The following FAF1 variants were observed in gnomAD, a reference collection of about 807,000 sequenced individuals.
The protein encoded by FAF1 is FAS-associated factor 1.
FAF1 carries 25 observed loss-of-function variants against 92.5 expected under a neutral mutation model. That is an observed-to-expected ratio of 0.27 (90% CI 0.20 to 0.38). The LOEUF (loss-of-function observed/expected upper bound fraction) is 0.38, where lower values mean the gene tolerates loss of function less well. Ranked by LOEUF, FAF1 falls within the 10% of genes least tolerant of loss-of-function variation. The pLI, the probability that FAF1 is intolerant of heterozygous loss-of-function variation, is 1.00. For synonymous variants in FAF1, 234 were observed against 273.2 expected (o/e 0.86, Z 1.42); for missense variants, 636 against 793.3 (o/e 0.80, Z 2.38).
chr1:50,506,455 A>G (rs2149019460), intron 15 of FAF1, among the ~76,000 whole-genome samples: 1 of 152,196 alleles, frequency 6.6e-6, no homozygotes, highest in Non-Finnish European at 1.5e-5. Context: ...CTTCTCCTTC[A>G]GGCAAAATCA....
intron 2 of FAF1, among the ~76,000 whole-genome samples, chr1:50,824,074 T>C (rs1370843492): frequency 6.6e-6 from 1 of 152,212 alleles, no homozygotes; most frequent in Admixed American, 6.5e-5. Flanking sequence ...AAAATGCATA[T>C]GAAGAGTGTA....
intron 3 of FAF1, among the ~76,000 whole-genome samples, chr1:50,800,599 C>G (rs1661950811): frequency 1.3e-5 from 2 of 152,110 alleles, no homozygotes; most frequent in African/African-American, 4.8e-5. Context: ...GGGTATAGGT[C>G]TATTTTATCA....
At chr1:50,856,369 C>T (rs1188187898) in intron 2 of FAF1, among the ~76,000 whole-genome samples, 3 of 151,878 alleles carry the variant, frequency 2.0e-5, no homozygotes, top group South Asian at 2.1e-4. Flanking sequence ...TTGGGAGCAT[C>T]GTTTCGATTA....
chr1:50,958,941 G>A (rs1201835780), intron 1 of FAF1, among the ~76,000 whole-genome samples: 1 of 152,166 alleles, frequency 6.6e-6, no homozygotes, highest in East Asian at 1.9e-4. Flanking sequence ...GCACTCACAG[G>A]ATATTAGTTC....
chr1:50,489,426 T>C (rs1646804598), intron 17 of FAF1, among the ~76,000 whole-genome samples: 1 of 152,204 alleles, frequency 6.6e-6, no homozygotes, highest in African/African-American at 2.4e-5. Flanking sequence ...TAATCCTACA[T>C]CTGGAAAAAA....
intron 7 of FAF1, among the ~76,000 whole-genome samples, chr1:50,658,521 C>T (rs1041830172): frequency 1.3e-5 from 2 of 152,084 alleles, no homozygotes; most frequent in Non-Finnish European, 2.9e-5. Flanking sequence ...AATAACATTC[C>T]TTTGCTATTC....
chr1:50,897,415 G>T (rs991513672), intron 1 of FAF1, among the ~76,000 whole-genome samples: 17 of 152,086 alleles, frequency 1.1e-4, no homozygotes. Context: ...TAAATAAATG[G>T]ATAAACATGT....
intron 12 of FAF1, among the ~76,000 whole-genome samples, chr1:50,571,642 T>C (rs1403976232): frequency 1.3e-5 from 2 of 152,202 alleles, no homozygotes; most frequent in East Asian, 3.8e-4. Context: ...TTATTGTGTC[T>C]CTGAGTTCGG....
rs543413026 is a variant in FAF1 at position 50,491,730 on chromosome 1, G to A, written c.1566C>T (p.Asp522=). 1.9e-6 allele frequency: 3 copies of A among 1,610,294 alleles called. No homozygotes were observed. The African/African-American group carries it at 4.0e-5, about 22-fold the overall frequency. The change falls in exon 16 of 19, where the codon GAC becomes GAT. Residue 522 remains aspartate (D), a synonymous_variant. Transcript: ENST00000396153. ...DEAYRLSLEA[D]RAKREAHERE... Reference sequence around the variant, plus strand: ...ACTTGACCAAGCCTACCTTTGCTCTGTCAGCCTCAAGTGAAAGGCGATAGG... The same window carrying A: ...ACTTGACCAAGCCTACCTTTGCTCTATCAGCCTCAAGTGAAAGGCGATAGG...
chr1:50,722,214 T>C lies in FAF1; in HGVS notation c.552-16323A>G, dbSNP rs76868648. On this transcript the variant is annotated intron_variant, in intron 6 of 18. Transcript: ENST00000396153. The stretch of plus-strand genomic sequence containing the variant: ...ATCTACAAGGGCCAAAAAGCACTGT[T>C]TCTAGTTTACTTCATAAATGAACTA... Among the ~76,000 whole-genome samples the C allele has an allele frequency of 3.2e-3, 488 of 152,298 alleles. 4 individuals are homozygous for C. Among genetic ancestry groups the C allele is most frequent in the African/African-American group, 0.011 (459 of 41,562 alleles).
At chr1:50,758,627 C>G (rs1236174576) in intron 4 of FAF1, among the ~76,000 whole-genome samples, 1 of 152,148 alleles carries the variant, frequency 6.6e-6, no homozygotes, top group African/African-American at 2.4e-5. Flanking sequence ...TCTGTATTAA[C>G]TTAATCTTCC....
At chr1:50,570,935 C>T (rs530304983) in intron 12 of FAF1, among the ~76,000 whole-genome samples, 1 of 152,228 alleles carries the variant, frequency 6.6e-6, no homozygotes, top group African/African-American at 2.4e-5. Flanking sequence ...CAGAAAACTG[C>T]TTTCGTGAAG....
chr1:50,697,458 T>C (rs751391649), intron 7 of FAF1, among the ~76,000 whole-genome samples: 7 of 152,180 alleles, frequency 4.6e-5, no homozygotes, highest in Admixed American at 1.3e-4. Flanking sequence ...GAGGTGACCC[T>C]GTACAAAGAT....
chr1:50,442,727 G>A (rs1646184414), intron 18 of FAF1, among the ~76,000 whole-genome samples: 1 of 152,208 alleles, frequency 6.6e-6, no homozygotes, highest in Non-Finnish European at 1.5e-5. Context: ...GGGGGATATG[G>A]GGAAGTGGAG....
chr1:50,532,761 T>C (rs1648246624), intron 15 of FAF1, among the ~76,000 whole-genome samples: 1 of 152,198 alleles, frequency 6.6e-6, no homozygotes, highest in South Asian at 2.1e-4. Flanking sequence ...TATTTGTTAA[T>C]GTGGATATAT....
At chr1:50,638,554 C>G (rs1486805170) in intron 8 of FAF1, among the ~76,000 whole-genome samples, 2 of 150,632 alleles carry the variant, frequency 1.3e-5, no homozygotes, top group African/African-American at 4.9e-5. Flanking sequence ...AAGCAATTCT[C>G]TGCCTCAGCC....
At chr1:50,766,977 C>T (rs1660600424) in intron 4 of FAF1, among the ~76,000 whole-genome samples, 1 of 151,850 alleles carries the variant, frequency 6.6e-6, no homozygotes, top group Non-Finnish European at 1.5e-5. Flanking sequence ...GTTGAAATGA[C>T]TAAAATGACA....
intron 1 of FAF1, among the ~76,000 whole-genome samples, chr1:50,929,129 A>G (rs1386616953): frequency 2.0e-5 from 3 of 151,288 alleles, no homozygotes; most frequent in Non-Finnish European, 4.4e-5. Context: ...TAGCAAAATG[A>G]TTCTTTTTTT....
rs886448384 is a variant in FAF1, at chr1:50,437,361, G to C, written c.*4079C>G. The C allele has an allele frequency of 6.6e-6, 1 of 150,958 alleles. No homozygotes were observed. Among genetic ancestry groups the C allele is most frequent in the African/African-American group, 2.4e-5 (1 of 41,038 alleles). 9.4% of individuals were successfully genotyped at this position (150,958 alleles called of 1,614,324 possible). ...TGATGAATACAGATTCCCTTTCCAG[G>C]AAAATACATGTTTAACCTTTCTTTT... On this transcript the variant is annotated 3_prime_UTR_variant, in exon 19 of 19. Coordinates refer to ENST00000396153, the MANE Select transcript of FAF1 (RefSeq NM_007051.3).
Sources: gnomAD v4.1 joint callset for allele counts (sites outside exome capture counted in the v4.1 genomes callset) on GRCh38, gnomAD v4.1.1 for gene constraint, MANE v1.5 for transcripts, NCBI Gene and HGNC (gene_info 2026-07-23, HGNC 2026-07-21) for gene names.